SPAG16: variants seen among roughly 807,000 people sequenced by gnomAD.
The protein encoded by SPAG16 is sperm associated antigen 16, also known as sperm-associated antigen 16 protein.
In SPAG16, 86 loss-of-function variants were observed where a neutral mutation model predicts 80.4. That is an observed-to-expected ratio of 1.07 (90% CI 0.90 to 1.28). SPAG16 has a LOEUF of 1.28. Ranked by LOEUF, SPAG16 falls within the 50% of genes most tolerant of loss-of-function variation. SPAG16 has a pLI of 0.00. For synonymous variants in SPAG16, 294 were observed against 265.9 expected (o/e 1.11, Z -1.03); for missense variants, 870 against 765.3 (o/e 1.14, Z -1.61).
At chr2:213,927,174 G>A (rs1042613889) in intron 11 of SPAG16, among the ~76,000 whole-genome samples, 1 of 152,156 alleles carries the variant, frequency 6.6e-6, no homozygotes, top group African/African-American at 2.4e-5. Context: ...CAGGGTTCCC[G>A]TGCTCATGAC....
At chr2:213,809,257 T>C in intron 10 of SPAG16, among the ~76,000 whole-genome samples, 1 of 152,144 alleles carries the variant, frequency 6.6e-6, no homozygotes, top group East Asian at 1.9e-4. Context: ...ATATTCTCTA[T>C]CTAAGGAAAT....
chr2:213,462,197 G>A (rs1286983840), intron 9 of SPAG16, among the ~76,000 whole-genome samples: 1 of 152,112 alleles, frequency 6.6e-6, no homozygotes, highest in East Asian at 1.9e-4. Flanking sequence ...AGAATTGCTT[G>A]ACTTTTGGAG....
At chr2:213,354,986 T>C (rs930162364) in intron 7 of SPAG16, among the ~76,000 whole-genome samples, 1 of 152,252 alleles carries the variant, frequency 6.6e-6, no homozygotes, top group African/African-American at 2.4e-5. Flanking sequence ...CTAGGGTTTT[T>C]ATGGTTTTAG....
chr2:213,336,012 T>C (rs549321934), intron 5 of SPAG16, among the ~76,000 whole-genome samples: 8 of 151,144 alleles, frequency 5.3e-5, no homozygotes, highest in Admixed American at 2.0e-4. Context: ...GCTTTTCTCA[T>C]TGGGACTGAC....
chr2:213,775,756 T>A (rs2069537104), intron 10 of SPAG16, among the ~76,000 whole-genome samples: 1 of 152,236 alleles, frequency 6.6e-6, no homozygotes, highest in Non-Finnish European at 1.5e-5. Context: ...TCTACATCTT[T>A]ATAAGTAGAA....
chr2:214,131,283 T>C (rs765127464), intron 14 of SPAG16, among the ~76,000 whole-genome samples: 25 of 151,700 alleles, frequency 1.6e-4, no homozygotes, highest in Non-Finnish European at 2.7e-4. Context: ...AGTGGGAGGA[T>C]GGCTTGAGAG....
chr2:213,483,276 G>T (rs1221025674), intron 9 of SPAG16, among the ~76,000 whole-genome samples: 1 of 152,000 alleles, frequency 6.6e-6, no homozygotes, highest in Non-Finnish European at 1.5e-5. Flanking sequence ...GTAGATCTTA[G>T]CAAATTGGTC....
intron 15 of SPAG16, among the ~76,000 whole-genome samples, chr2:214,300,829 A>G (rs1245221463): frequency 6.6e-6 from 1 of 151,872 alleles, no homozygotes; most frequent in Non-Finnish European, 1.5e-5. Flanking sequence ...GTTTTACCAA[A>G]TGTACAAAGA....
Position 213,776,832 on chromosome 2 carries a change from C to CA in SPAG16, c.1071-85653_1071-85652insA, listed in dbSNP as rs919948853. ...CTTACCAGCGTTCTATGCCACCCCC[C>CA]CCCCACCCCAGGACCCGAGCATTAT... On this transcript the variant is annotated intron_variant, in intron 10 of 15. Coordinates refer to ENST00000331683, the MANE Select transcript of SPAG16 (RefSeq NM_024532.5). 6.6e-5 allele frequency among the ~76,000 whole-genome samples: 8 copies of CA among 121,486 alleles called. No homozygotes were observed. The South Asian group carries it at 1.8e-3, about 27-fold the overall frequency. The allele number at this position is 121,486 out of a possible 152,430, so 79.7% of individuals were successfully genotyped here. A position where few individuals can be genotyped will look rare whatever the true frequency, so the allele number is the denominator to read the frequency against.
At chr2:214,180,446 T>C (rs902603698) in intron 15 of SPAG16, among the ~76,000 whole-genome samples, 5 of 151,684 alleles carry the variant, frequency 3.3e-5, no homozygotes, top group African/African-American at 1.2e-4. Flanking sequence ...AGTCCTGTTA[T>C]AATCATTAGA....
intron 10 of SPAG16, among the ~76,000 whole-genome samples, chr2:213,799,389 A>G (rs1383227076): frequency 6.6e-6 from 1 of 152,114 alleles, no homozygotes; most frequent in Non-Finnish European, 1.5e-5. Flanking sequence ...CTAATGTATA[A>G]AAATGCAATT....
At chr2:213,285,455 TAAGA>T (rs374146411) in intron 1 of SPAG16, among the ~76,000 whole-genome samples, 15 of 152,048 alleles carry the variant, frequency 9.9e-5, no homozygotes, top group Middle Eastern at 3.4e-3. Flanking sequence ...TTCAGGGAGG[TAAGA>T]AAGAGATGAT....
At chr2:213,884,701 G>C (rs1300658437) in intron 11 of SPAG16, among the ~76,000 whole-genome samples, 1 of 152,020 alleles carries the variant, frequency 6.6e-6, no homozygotes, top group African/African-American at 2.4e-5. Flanking sequence ...TTTTAAAATT[G>C]TTTATTTTTA....
intron 15 of SPAG16, among the ~76,000 whole-genome samples, chr2:214,219,877 C>T (rs556629098): frequency 2.6e-4 from 40 of 152,150 alleles, no homozygotes; most frequent in Non-Finnish European, 3.2e-4. Flanking sequence ...TTACTGTTAA[C>T]TGATGATGGA....
At chr2:213,353,924 G>T (rs1285790606) in intron 7 of SPAG16, among the ~76,000 whole-genome samples, 1 of 151,964 alleles carries the variant, frequency 6.6e-6, no homozygotes. Context: ...AAGTTCTAGG[G>T]TACATGTGCA....
chr2:213,910,558 G>A (rs2077620939), intron 11 of SPAG16, among the ~76,000 whole-genome samples: 1 of 28,372 alleles, frequency 3.5e-5, no homozygotes, highest in Admixed American at 4.7e-4. Flanking sequence ...GCGCGATCTC[G>A]GCTCACTGCA....
chr2:214,203,677 G>A (rs1405026380), intron 15 of SPAG16, among the ~76,000 whole-genome samples: 1 of 152,102 alleles, frequency 6.6e-6, no homozygotes, highest in African/African-American at 2.4e-5. Context: ...GGACACTCGC[G>A]GTCCCCAGGG....
At chr2:214,259,362 T>C (rs1690949380) in intron 15 of SPAG16, among the ~76,000 whole-genome samples, 1 of 150,280 alleles carries the variant, frequency 6.7e-6, no homozygotes, top group Admixed American at 6.7e-5. Context: ...TACATATATA[T>C]AATATATATG....
intron 15 of SPAG16, among the ~76,000 whole-genome samples, chr2:214,214,816 C>T (rs2058386126): frequency 6.6e-6 from 1 of 151,174 alleles, no homozygotes; most frequent in Non-Finnish European, 1.5e-5. Context: ...GTCAATTTAC[C>T]AGAAATGCTT....
Sources: gnomAD v4.1 joint callset for allele counts (sites outside exome capture counted in the v4.1 genomes callset) on GRCh38, gnomAD v4.1.1 for gene constraint, MANE v1.5 for transcripts, NCBI Gene and HGNC (gene_info 2026-07-23, HGNC 2026-07-21) for gene names.